SPOCK1: variants seen among roughly 807,000 people sequenced by gnomAD.
SPOCK1 encodes the protein testican-1.
In SPOCK1, 23 loss-of-function variants were observed where a neutral mutation model predicts 55.3. The observed-to-expected ratio is 0.42, with a 90% CI of 0.30 to 0.59. SPOCK1 has a LOEUF of 0.59. Ranked by LOEUF, SPOCK1 falls within the 20% of genes least tolerant of loss-of-function variation. The probability of loss-of-function intolerance (pLI) is 0.22; values close to 1 mark genes in which losing one functional copy is unlikely to be tolerated. For missense variants in SPOCK1, 499 were observed against 552.5 expected (o/e 0.90, Z 0.97); for synonymous variants, 226 against 221.0 (o/e 1.02, Z -0.20).
chr5:137,466,336 C>T (rs559939624), intron 2 of SPOCK1, among the ~76,000 whole-genome samples: 13 of 152,336 alleles, frequency 8.5e-5, no homozygotes, highest in Middle Eastern at 3.4e-3. Context: ...AAAACAACAG[C>T]TGGATCTCTC....
At chr5:137,293,788 G>A (rs994512487) in intron 2 of SPOCK1, among the ~76,000 whole-genome samples, 11 of 152,072 alleles carry the variant, frequency 7.2e-5, no homozygotes, top group South Asian at 2.1e-4. Context: ...AGGCCGAGGC[G>A]GGTGGATCAT....
intron 2 of SPOCK1, among the ~76,000 whole-genome samples, chr5:137,387,369 T>G (rs1751618292): frequency 6.6e-6 from 1 of 152,230 alleles, no homozygotes; most frequent in African/African-American, 2.4e-5. Context: ...GCAGCTTTAT[T>G]CATAATTGCC....
chr5:137,213,173 C>A (rs1467150430), intron 3 of SPOCK1, among the ~76,000 whole-genome samples: 2 of 152,140 alleles, frequency 1.3e-5, no homozygotes, highest in Admixed American at 6.5e-5. Flanking sequence ...TCATCCACCC[C>A]AGCACCACTG....
intron 2 of SPOCK1, among the ~76,000 whole-genome samples, chr5:137,323,727 A>T (rs1332402691): frequency 6.6e-6 from 1 of 152,176 alleles, no homozygotes; most frequent in Non-Finnish European, 1.5e-5. Flanking sequence ...TGGGAAAAAA[A>T]ATACTCAACA....
At chr5:137,257,474 C>T (rs1356101843) in intron 3 of SPOCK1, among the ~76,000 whole-genome samples, 1 of 152,152 alleles carries the variant, frequency 6.6e-6, no homozygotes, top group Admixed American at 6.5e-5. Flanking sequence ...AGGAGATGGC[C>T]ATCCACAACC....
At chr5:137,220,124 A>G (rs17171099) in intron 3 of SPOCK1, among the ~76,000 whole-genome samples, 3,012 of 152,252 alleles carry the variant, frequency 0.02, 97 homozygotes, top group African/African-American at 0.069. Context: ...ATAGAGCAAC[A>G]AGAACCCATG....
At chr5:137,146,673 T>C (rs1754200378) in intron 3 of SPOCK1, among the ~76,000 whole-genome samples, 1 of 152,214 alleles carries the variant, frequency 6.6e-6, no homozygotes, top group Non-Finnish European at 1.5e-5. Context: ...GAGAGGCTTG[T>C]TCACCAGCTG....
At chr5:137,366,260 T>C (rs1366302150) in intron 2 of SPOCK1, among the ~76,000 whole-genome samples, 1 of 152,130 alleles carries the variant, frequency 6.6e-6, no homozygotes, top group African/African-American at 2.4e-5. Flanking sequence ...CAAGACAATT[T>C]TGATGTTTTC....
At chr5:137,000,288 C>A (rs1215798903) in intron 6 of SPOCK1, among the ~76,000 whole-genome samples, 1 of 152,120 alleles carries the variant, frequency 6.6e-6, no homozygotes, top group African/African-American at 2.4e-5. Context: ...ATTAGTAGCT[C>A]CTGTAGAAGG....
chr5:137,046,228 C>T (rs898217490), intron 6 of SPOCK1, among the ~76,000 whole-genome samples: 2 of 111,998 alleles, frequency 1.8e-5, no homozygotes, highest in African/African-American at 6.5e-5. Context: ...CTGTAAATTA[C>T]GTTGGGCAGT....
intron 5 of SPOCK1, among the ~76,000 whole-genome samples, chr5:137,096,279 G>A (rs1753145207): frequency 6.6e-6 from 1 of 151,060 alleles, no homozygotes; most frequent in Non-Finnish European, 1.5e-5. Context: ...TAATAAAACA[G>A]TGACCCTTCC....
chr5:137,431,097 CG>C (rs1239620310), intron 2 of SPOCK1, among the ~76,000 whole-genome samples: 1 of 152,194 alleles, frequency 6.6e-6, no homozygotes, highest in African/African-American at 2.4e-5. Context: ...GGGAGCCATA[CG>C]GGAAAGACCC....
In SPOCK1 at chr5:137,105,809, C is replaced by T. The variant is rs147129184; in HGVS notation, c.474+6626G>A. Among the ~76,000 whole-genome samples the T allele has an allele frequency of 1.0e-3, 157 of 152,308 alleles. 4 individuals carry two copies. The Middle Eastern group carries it at 0.024, about 23-fold the overall frequency. ...TTAACTCTGCGTCTCTCTTCTGTGT[C>T]GAGACATAATTGAGCCATTTGCTAA... On this transcript the variant is annotated intron_variant, in intron 5 of 10. Transcript: ENST00000394945.
At chr5:137,386,610 C>T (rs1221793947) in intron 2 of SPOCK1, among the ~76,000 whole-genome samples, 2 of 152,226 alleles carry the variant, frequency 1.3e-5, no homozygotes, top group Middle Eastern at 3.4e-3. Context: ...TGGACATCTA[C>T]AAGCAAAGAA....
At chr5:137,082,676 G>T (rs532661606) in intron 5 of SPOCK1, among the ~76,000 whole-genome samples, 1 of 152,218 alleles carries the variant, frequency 6.6e-6, no homozygotes, top group Non-Finnish European at 1.5e-5. Context: ...CATCCTGGCT[G>T]TATGCTTGGG....
At position 137,067,632 on chromosome 5, in the gene SPOCK1, G is replaced by A; in HGVS notation, c.589+83C>T. On this transcript the variant is annotated intron_variant, in intron 6 of 10. Coordinates refer to ENST00000394945, the MANE Select transcript of SPOCK1 (RefSeq NM_004598.4). ...CTCATTTCTCCAGTTTGTTCCTAGT[G>A]CCTGGGACAGAGCTCGGCCACATCA... 4 of 1,201,434 alleles carry A rather than the reference G, an allele frequency of 3.3e-6. No individual in the cohort carries two copies. In the South Asian group the frequency reaches 3.8e-5, roughly 11 times the overall value. 74.4% of individuals were successfully genotyped at this position (1,201,434 alleles called of 1,614,324 possible).
chr5:137,256,885 G>A (rs920002793), intron 3 of SPOCK1, among the ~76,000 whole-genome samples: 3 of 152,190 alleles, frequency 2.0e-5, no homozygotes, highest in Admixed American at 6.5e-5. Context: ...TTACCGTCTT[G>A]CTGTATTTTT....
chr5:136,979,649 A>C, intron 9 of SPOCK1, 180 bp from the exon 10 acceptor site: 1 of 666,324 alleles, frequency 1.5e-6, no homozygotes, highest in Middle Eastern at 3.8e-4. Flanking sequence ...TAGAGGCCCA[A>C]ACGCGATGAG....
At chr5:137,023,713 A>G (rs937390899) in intron 6 of SPOCK1, among the ~76,000 whole-genome samples, 1 of 149,972 alleles carries the variant, frequency 6.7e-6, no homozygotes, top group African/African-American at 2.4e-5. Context: ...AATTATCACG[A>G]GAGGAAATGC....
Sources: gnomAD v4.1 joint callset for allele counts (sites outside exome capture counted in the v4.1 genomes callset) on GRCh38, gnomAD v4.1.1 for gene constraint, MANE v1.5 for transcripts, NCBI Gene and HGNC (gene_info 2026-07-23, HGNC 2026-07-21) for gene names.